Variants in AMBRA1 observed in about 807,000 individuals in gnomAD.
AMBRA1 encodes the protein activating molecule in BECN1-regulated autophagy protein 1.
Under a neutral mutation model 125.4 loss-of-function variants are expected in AMBRA1, and 47 were observed. The observed-to-expected ratio is 0.37, with a 90% confidence interval of 0.30 to 0.48. The LOEUF is 0.48. Ranked by LOEUF, AMBRA1 falls within the 20% of genes least tolerant of loss-of-function variation. AMBRA1 has a pLI of 0.99. For synonymous variants in AMBRA1, 626 were observed against 655.5 expected, an observed-to-expected ratio of 0.95 and a Z score of 0.69; for missense variants, 1,331 against 1,693.4, an observed-to-expected ratio of 0.79 and a Z score of 3.76.
chr11:46,415,107 T>C lies in AMBRA1; in HGVS notation c.3116+2806A>G, dbSNP rs1289782780. On this transcript the variant is annotated intron_variant, in intron 15 of 17. Coordinates refer to ENST00000683756, the MANE Select transcript of AMBRA1 (RefSeq NM_001387011.1). The stretch of plus-strand genomic sequence containing the variant: ...GCTGGCTGGCTGGATCCTGTGCCCT[T>C]GGGAATGGGTGTGCCAGGGAGCTGT... Among the ~76,000 whole-genome samples, 4 of 152,126 alleles carry C rather than the reference T, an allele frequency of 2.6e-5. No homozygotes were observed. The East Asian group carries it at 7.7e-4, about 29-fold the overall frequency.
chr11:46,488,826 A>T (rs1950355662), intron 11 of AMBRA1, among the ~76,000 whole-genome samples: 1 of 152,242 alleles, frequency 6.6e-6, no homozygotes, highest in Non-Finnish European at 1.5e-5. Context: ...AAATATGGGA[A>T]AATTCAACAA....
intron 17 of AMBRA1, among the ~76,000 whole-genome samples, chr11:46,407,428 A>G (rs1946077315): frequency 6.6e-6 from 1 of 152,116 alleles, no homozygotes; most frequent in South Asian, 2.1e-4. Context: ...AGAGCAGCTC[A>G]GAGTCCACAG....
At chr11:46,510,631 T>C (rs1050030592) in intron 8 of AMBRA1, among the ~76,000 whole-genome samples, 1 of 152,210 alleles carries the variant, frequency 6.6e-6, no homozygotes, top group South Asian at 2.1e-4. Context: ...AGACTGCCTT[T>C]TTATGTAGGG....
At chr11:46,402,401 GC>G (rs1378292616) in intron 17 of AMBRA1, among the ~76,000 whole-genome samples, 4 of 152,010 alleles carry the variant, frequency 2.6e-5, no homozygotes, top group African/African-American at 9.7e-5. Flanking sequence ...TTGCTCTGTT[GC>G]CCAGGCTGGA....
At chr11:46,571,837 G>A (rs1270165336) in intron 1 of AMBRA1, among the ~76,000 whole-genome samples, 1 of 151,360 alleles carries the variant, frequency 6.6e-6, no homozygotes. Context: ...CTACAGGAGC[G>A]CACCACCACG....
intron 11 of AMBRA1, among the ~76,000 whole-genome samples, chr11:46,491,699 C>T (rs7112229): frequency 0.19 from 28,427 of 152,036 alleles, 2,955 homozygotes; most frequent in African/African-American, 0.28. Flanking sequence ...TCTAGAGTTC[C>T]TTCTCCTAAT....
chr11:46,435,103 G>A (rs945773689), intron 12 of AMBRA1, 66 bp from the exon 13 acceptor site: 2 of 1,435,482 alleles, frequency 1.4e-6, no homozygotes, highest in Non-Finnish European at 1.9e-6. Flanking sequence ...AAATTCTGGG[G>A]CCAAGAAACT....
chr11:46,532,301 A>G (rs561552185), intron 7 of AMBRA1, among the ~76,000 whole-genome samples: 1 of 152,326 alleles, frequency 6.6e-6, no homozygotes, highest in South Asian at 2.1e-4. Flanking sequence ...CAGAGAACAA[A>G]TGTACACTAA....
intron 9 of AMBRA1, among the ~76,000 whole-genome samples, chr11:46,505,922 C>G (rs1951020884): frequency 6.6e-6 from 1 of 152,134 alleles, no homozygotes. Context: ...ACGCAGTCTC[C>G]CAGGCGTGCA....
At chr11:46,500,640 T>C (rs920883309) in intron 9 of AMBRA1, among the ~76,000 whole-genome samples, 12 of 152,210 alleles carry the variant, frequency 7.9e-5, no homozygotes, top group Admixed American at 2.6e-4. Context: ...AAACACTCCA[T>C]AGCTCTAGCC....
At chr11:46,472,534 A>C (rs1328052738) in intron 11 of AMBRA1, among the ~76,000 whole-genome samples, 1 of 152,244 alleles carries the variant, frequency 6.6e-6, no homozygotes, top group Non-Finnish European at 1.5e-5. Flanking sequence ...AAGTGGACAG[A>C]GGTTAAATGA....
intron 16 of AMBRA1, among the ~76,000 whole-genome samples, chr11:46,409,488 G>A (rs1031744986): frequency 3.3e-5 from 5 of 152,164 alleles, no homozygotes; most frequent in African/African-American, 9.6e-5. Context: ...ATGAGCCACC[G>A]CGCCCATCCA....
chr11:46,540,463 G>T (rs570706051), intron 7 of AMBRA1, among the ~76,000 whole-genome samples: 1 of 152,244 alleles, frequency 6.6e-6, no homozygotes, highest in Non-Finnish European at 1.5e-5. Flanking sequence ...CCAAAACCAG[G>T]AATTGAGGAG....
intron 1 of AMBRA1, among the ~76,000 whole-genome samples, chr11:46,557,005 G>A (rs1416824100): frequency 6.6e-6 from 1 of 151,826 alleles, no homozygotes; most frequent in Non-Finnish European, 1.5e-5. Context: ...GCATGGTGGT[G>A]CATGCCTGCA....
chr11:46,421,398 T>C lies in AMBRA1; in HGVS notation c.2977-3346A>G, dbSNP rs1590759537. 2.0e-5 allele frequency among the ~76,000 whole-genome samples: 3 copies of C among 152,108 alleles called. No homozygotes were observed. The South Asian group carries it at 6.2e-4, about 32-fold the overall frequency. ...TGCTTTGTGGCAGGAAGCCAGAAAA[T>C]GCCGCACAAAGATCAGCAGCCTCCT... On this transcript the variant is annotated intron_variant, in intron 14 of 17. Coordinates refer to ENST00000683756, the MANE Select transcript of AMBRA1 (RefSeq NM_001387011.1).
chr11:46,416,717 A>C (rs995502757), intron 15 of AMBRA1, among the ~76,000 whole-genome samples: 8 of 152,222 alleles, frequency 5.3e-5, no homozygotes, highest in Non-Finnish European at 7.4e-5. Flanking sequence ...TCTGCAGAAC[A>C]CTCTGGGAAA....
At chr11:46,423,545 C>T (rs1003892605) in intron 14 of AMBRA1, among the ~76,000 whole-genome samples, 2 of 151,728 alleles carry the variant, frequency 1.3e-5, no homozygotes, top group African/African-American at 4.8e-5. Context: ...GCGCCTGCCA[C>T]CACGCCCGGC....
chr11:46,584,721 G>A (rs1301250928), intron 1 of AMBRA1, among the ~76,000 whole-genome samples: 2 of 151,912 alleles, frequency 1.3e-5, no homozygotes, highest in East Asian at 1.9e-4. Flanking sequence ...CAGTCCTCCT[G>A]CCTCAGCCTC....
chr11:46,553,102 C>T (rs1187120734), intron 1 of AMBRA1, among the ~76,000 whole-genome samples: 1 of 151,696 alleles, frequency 6.6e-6, no homozygotes, highest in East Asian at 2.0e-4. Context: ...GCCACCACAC[C>T]CGGCTAATTT....
Sources: allele counts gnomAD v4.1 joint callset (sites outside exome capture counted in the v4.1 genomes callset), GRCh38; gene constraint gnomAD v4.1.1; transcripts MANE v1.5; gene names NCBI Gene and HGNC (gene_info 2026-07-23, HGNC 2026-07-21).